Variants in PHF19 observed in about 807,000 individuals in gnomAD.
PHF19 encodes the protein polycomb like 3.
In PHF19, 21 loss-of-function variants were observed where a neutral mutation model predicts 79.8. The ratio of observed to expected loss-of-function variants is 0.26; its 90% CI spans 0.19 to 0.38. The LOEUF is 0.38. Ranked by LOEUF, PHF19 falls within the 10% of genes least tolerant of loss-of-function variation. PHF19 has a pLI of 1.00. For missense variants in PHF19, 445 were observed against 744.2 expected (o/e 0.60, Z 4.68); for synonymous variants, 273 against 296.3 (o/e 0.92, Z 0.81).
upstream of PHF19, among the ~76,000 whole-genome samples, chr9:120,898,114 C>T (rs763223146): frequency 2.6e-5 from 4 of 152,052 alleles, no homozygotes; most frequent in Admixed American, 2.6e-4. Flanking sequence ...TTCAAACAAT[C>T]TCTCTAAGAT....
intron 1 of PHF19, among the ~76,000 whole-genome samples, chr9:120,884,618 T>C (rs946716966): frequency 1.3e-5 from 2 of 152,116 alleles, no homozygotes; most frequent in South Asian, 4.1e-4. Context: ...ATTCAAAAGC[T>C]AATGCCAGTC....
upstream of PHF19, among the ~76,000 whole-genome samples, chr9:120,878,889 C>T (rs1202811117): frequency 6.6e-6 from 1 of 152,164 alleles, no homozygotes; most frequent in East Asian, 1.9e-4. Context: ...GTGTGTCCAA[C>T]GCGGGTAGGG....
chr9:120,858,628 C>T (rs1410069512), intron 14 of PHF19, among the ~76,000 whole-genome samples: 1 of 152,048 alleles, frequency 6.6e-6, no homozygotes, highest in African/African-American at 2.4e-5. Context: ...AGCTAGGATC[C>T]CGGCACTGCA....
At chr9:120,889,241 C>T (rs1271662737) in intron 1 of PHF19, among the ~76,000 whole-genome samples, 3 of 152,084 alleles carry the variant, frequency 2.0e-5, no homozygotes, top group African/African-American at 7.2e-5. Flanking sequence ...GCCTTGCCAA[C>T]ATGGTGAAAT....
intron 10 of PHF19, chr9:120,863,017 C>T (rs1000976652): frequency 5.6e-5 from 24 of 430,018 alleles, no homozygotes; most frequent in African/African-American, 4.0e-4. Context: ...CCTCAACCAG[C>T]CCCAAGGCCA....
intron 1 of PHF19, 108 bp downstream of exon 1, chr9:120,876,983 C>T: frequency 1.0e-5 from 10 of 958,522 alleles, no homozygotes; most frequent in Non-Finnish European, 1.2e-5. Context: ...AGTCTCACCC[C>T]CCGGAGGCGT....
intron 1 of PHF19, among the ~76,000 whole-genome samples, chr9:120,888,264 C>A (rs2046295833): frequency 6.6e-6 from 1 of 152,196 alleles, no homozygotes; most frequent in African/African-American, 2.4e-5. Context: ...GTTTGAGCCA[C>A]CGCGCCTGGC....
At chr9:120,886,280 C>T (rs532719644) in intron 1 of PHF19, among the ~76,000 whole-genome samples, 2 of 152,286 alleles carry the variant, frequency 1.3e-5, no homozygotes, top group East Asian at 1.9e-4. Flanking sequence ...CATGAGGCTT[C>T]GACAGGCCCC....
At chr9:120,896,699 C>T (rs1261863406), upstream of PHF19, among the ~76,000 whole-genome samples, 6 of 151,916 alleles carry the variant, frequency 3.9e-5, no homozygotes, top group African/African-American at 9.7e-5. Flanking sequence ...GTGATCCGCC[C>T]GTCTCGGCCT....
At chr9:120,872,667 TC>T (rs1462642701) in intron 3 of PHF19, among the ~76,000 whole-genome samples, 1 of 151,846 alleles carries the variant, frequency 6.6e-6, no homozygotes, top group Non-Finnish European at 1.5e-5. Flanking sequence ...TGTAACAAAT[TC>T]TTTTTTTTTC....
At chr9:120,885,107 A>C (rs764254583) in intron 1 of PHF19, among the ~76,000 whole-genome samples, 1 of 152,046 alleles carries the variant, frequency 6.6e-6, no homozygotes, top group Non-Finnish European at 1.5e-5. Context: ...AGCGCCAACT[A>C]CTCAGGAGGC....
At chr9:120,887,369 G>A (rs1260751557) in intron 1 of PHF19, among the ~76,000 whole-genome samples, 5 of 152,104 alleles carry the variant, frequency 3.3e-5, no homozygotes, top group Admixed American at 1.3e-4. Flanking sequence ...CAGGAGAATC[G>A]CTTGAACCTG....
intron 1 of PHF19, chr9:120,894,754 G>T: frequency 1.7e-6 from 2 of 1,192,032 alleles, no homozygotes; most frequent in Non-Finnish European, 2.1e-6. Flanking sequence ...CCTCGCGCCC[G>T]CCCCGCGGGT....
chr9:120,878,384 A>G (rs2046124344), upstream of PHF19, among the ~76,000 whole-genome samples: 1 of 152,162 alleles, frequency 6.6e-6, no homozygotes, highest in Admixed American at 6.5e-5. Flanking sequence ...GGGAGGAAGA[A>G]CACTTACCAA....
intron 3 of PHF19, among the ~76,000 whole-genome samples, chr9:120,873,578 G>T (rs1168623127): frequency 2.0e-5 from 3 of 152,264 alleles, no homozygotes; most frequent in African/African-American, 7.2e-5. Context: ...GGGACACTGT[G>T]CTTGCATCTA....
chr9:120,898,563 G>A (rs753521215), upstream of PHF19, among the ~76,000 whole-genome samples: 1 of 152,220 alleles, frequency 6.6e-6, no homozygotes, highest in Non-Finnish European at 1.5e-5. Flanking sequence ...ACAAATTAAT[G>A]TGCAGTCTGT....
rs1170243737 is a variant in PHF19 at position 120,872,037 on chromosome 9, CAAAAAA to C, written c.269-1505_269-1500del. On this transcript the variant is annotated intron_variant, in intron 3 of 14. Transcript: ENST00000373896. ...TGGGTGACAGAGCAAGACTCTGTCT[CAAAAAA>C]AAAAAAAAAAAAAAAAAAAAAAAAA... Among the ~76,000 whole-genome samples the C allele has an allele frequency of 2.3e-3, 70 of 30,306 alleles. 1 individual carries two copies. Among genetic ancestry groups the C allele is most frequent in the African/African-American group, 7.7e-3 (58 of 7,520 alleles). The allele number at this position is 30,306 out of a possible 152,430, so 19.9% of individuals were successfully genotyped here.
rs771538976 is a variant in PHF19, at chr9:120,872,022, A to G, written c.269-1484T>C. Among the ~76,000 whole-genome samples the G allele has an allele frequency of 2.5e-3, 323 of 127,594 alleles. 2 individuals are homozygous for G. The highest frequency in any genetic ancestry group is 3.6e-3 in the Non-Finnish European group (229 of 62,828). The allele number at this position is 127,594 out of a possible 152,430, so 83.7% of individuals were successfully genotyped here. Reference sequence around the variant, plus strand: ...CACTGCACTCCAGCCTGGGTGACAGAGCAAGACTCTGTCTCAAAAAAAAAA... The same window carrying G: ...CACTGCACTCCAGCCTGGGTGACAGGGCAAGACTCTGTCTCAAAAAAAAAA... On this transcript the variant is annotated intron_variant, in intron 3 of 14. Coordinates refer to ENST00000373896, the MANE Select transcript of PHF19 (RefSeq NM_015651.3).
chr9:120,893,188 G>T (rs1174521626), intron 1 of PHF19, among the ~76,000 whole-genome samples: 1 of 152,210 alleles, frequency 6.6e-6, no homozygotes, highest in Admixed American at 6.5e-5. Flanking sequence ...ATTGTTAAAT[G>T]ACTTAGTAAA....
Sources: gnomAD v4.1 joint callset for allele counts (sites outside exome capture counted in the v4.1 genomes callset) on GRCh38, gnomAD v4.1.1 for gene constraint, MANE v1.5 for transcripts, NCBI Gene and HGNC (gene_info 2026-07-23, HGNC 2026-07-21) for gene names.